ZFR2: variants seen among roughly 807,000 people sequenced by gnomAD.
ZFR2 encodes the protein zinc finger RNA binding protein 2.
ZFR2 carries 104 observed loss-of-function variants against 105.7 expected under a neutral mutation model. The ratio of observed to expected loss-of-function variants is 0.98; its 90% confidence interval spans 0.84 to 1.16. ZFR2 has a LOEUF of 1.16. Among genes scored for constraint, ZFR2 ranks in the 50% most tolerant of loss-of-function variants. ZFR2 has a pLI of 0.00. For missense variants in ZFR2, 1,425 were observed against 1,355.5 expected, an observed-to-expected ratio of 1.05 and a Z score of -0.80; for synonymous variants, 634 against 597.7, an observed-to-expected ratio of 1.06 and a Z score of -0.89.
intron 6 of ZFR2, 60 bp downstream of exon 6, chr19:3,827,411 A>G: frequency 6.9e-7 from 1 of 1,444,652 alleles, no homozygotes; most frequent in Non-Finnish European, 9.1e-7. Flanking sequence ...GTGGGTCCCA[A>G]GTGCTGACCT....
At position 3,862,832 on chromosome 19, in the gene ZFR2, A is replaced by G. The variant is rs193295569; in HGVS notation, c.53+6133T>C. On this transcript the variant is annotated intron_variant, in intron 1 of 18. Transcript: ENST00000262961. ...TCAGCCTTGCTGAGAAGGGCGTGAA[A>G]AAGACCGCAGCAACATGGGAGGGGC... is the stretch of plus-strand genomic sequence containing the variant. Among the ~76,000 whole-genome samples, 413 of 152,302 alleles carry G rather than the reference A, an allele frequency of 2.7e-3. 5 individuals carry two copies. The highest frequency in any genetic ancestry group is 9.5e-3 in the African/African-American group (393 of 41,576).
intron 1 of ZFR2, among the ~76,000 whole-genome samples, chr19:3,849,859 C>G (rs2145180039): frequency 6.6e-6 from 1 of 152,356 alleles, no homozygotes; most frequent in East Asian, 1.9e-4. Flanking sequence ...GTGCGACCAA[C>G]ATGCAGATGG....
intron 1 of ZFR2, among the ~76,000 whole-genome samples, chr19:3,865,277 C>T (rs1282534901): frequency 6.6e-6 from 1 of 152,130 alleles, no homozygotes; most frequent in Admixed American, 6.5e-5. Flanking sequence ...AACAATTAAG[C>T]AGTTCAGATA....
intron 11 of ZFR2, 96 bp downstream of exon 11, chr19:3,820,086 G>A (rs552647898): frequency 2.5e-6 from 3 of 1,209,802 alleles, no homozygotes; most frequent in South Asian, 1.3e-5. Context: ...GTACTATGTG[G>A]GAGTTGGGGG....
In ZFR2 at chr19:3,860,811, G is replaced by A. The variant is rs1599258155; in HGVS notation, c.53+8154C>T. Among the ~76,000 whole-genome samples the A allele has an allele frequency of 3.9e-5, 6 of 152,220 alleles. 1 individual carries two copies. The highest frequency in any genetic ancestry group is 3.9e-4 in the Admixed American group (6 of 15,278). On this transcript the variant is annotated intron_variant, in intron 1 of 18. Coordinates refer to ENST00000262961, the MANE Select transcript of ZFR2 (RefSeq NM_015174.2). ...CAGGAACAAGGAGGGGTCATCTCCT[G>A]TTCCAGCCCTCTCCTGCTGCTTTAA...
chr19:3,818,208 G>A (rs993777666), intron 12 of ZFR2, among the ~76,000 whole-genome samples: 5 of 152,386 alleles, frequency 3.3e-5, no homozygotes, highest in East Asian at 3.9e-4. Context: ...AAGTGAACCC[G>A]TAATCCCGGC....
At position 3,834,095 on chromosome 19, in the gene ZFR2, C is replaced by A. The variant is rs112670588; in HGVS notation, c.265-317G>T. Among the ~76,000 whole-genome samples, 23 of 152,118 alleles carry A rather than the reference C, an allele frequency of 1.5e-4. 2 individuals are homozygous for A. The highest frequency in any genetic ancestry group is 5.5e-4 in the African/African-American group (23 of 41,506). On this transcript the variant is annotated intron_variant, in intron 2 of 18. Coordinates refer to ENST00000262961, the MANE Select transcript of ZFR2 (RefSeq NM_015174.2). The surrounding 1 kb of genome is among the most constrained non-coding windows in gnomAD (Gnocchi z 5.3). ...CAGGGAGAAGCCCCCGAGGCCTTGG[C>A]AAGGAAATGGAGAGGGGAGGAAGAG...
At chr19:3,860,489 C>A (rs2038360718) in intron 1 of ZFR2, among the ~76,000 whole-genome samples, 1 of 152,162 alleles carries the variant, frequency 6.6e-6, no homozygotes, top group South Asian at 2.1e-4. Context: ...GATTCCAGAG[C>A]CTGGGCGTCG....
intron 18 of ZFR2, among the ~76,000 whole-genome samples, chr19:3,806,944 G>A (rs60548344): frequency 0.054 from 8,210 of 152,224 alleles, 741 homozygotes; most frequent in African/African-American, 0.19. Flanking sequence ...AGGTCTGGGC[G>A]TCATTAACGG....
chr19:3,855,255 G>T, intron 1 of ZFR2: 2 of 725,086 alleles, frequency 2.8e-6, no homozygotes, highest in Non-Finnish European at 3.8e-6. Flanking sequence ...ACTTAGCATG[G>T]AAAATCATTT....
rs201709100 is a variant in ZFR2 at position 3,805,971 on chromosome 19, C to T, written c.2798G>A (p.Arg933Gln). ...EGAGEKKRGR[R>Q]GGEGLV ...GGCTCACACGAGCCCCTCTCCGCCC[C>T]GCCGGCCCCGCTTCTTCTCCCCTGC... is the stretch of plus-strand genomic sequence containing the variant. The change falls in exon 19 of 19, where the codon CGG becomes CAG. Residue 933 changes from arginine (R) to glutamine (Q), a missense_variant. Arg to Gln is a conservative substitution (Grantham distance 43). Coordinates refer to ENST00000262961, the MANE Select transcript of ZFR2 (RefSeq NM_015174.2). 1.4e-3 allele frequency: 2,192 copies of T among 1,538,518 alleles called. 21 individuals are homozygous for T. In the African/African-American group the frequency reaches 0.022, roughly 15 times the overall value.
intron 1 of ZFR2, among the ~76,000 whole-genome samples, chr19:3,849,874 A>G (rs1486830009): frequency 1.3e-5 from 2 of 152,200 alleles, no homozygotes; most frequent in Non-Finnish European, 2.9e-5. Flanking sequence ...AGATGGCTGG[A>G]CGTCCGCTGG....
At chr19:3,850,478 GC>G (rs2038226875) in intron 1 of ZFR2, among the ~76,000 whole-genome samples, 1 of 152,058 alleles carries the variant, frequency 6.6e-6, no homozygotes, top group Non-Finnish European at 1.5e-5. Flanking sequence ...TTATGTTGAA[GC>G]CCTAACCCCC....
chr19:3,813,838 C>T lies in ZFR2; in HGVS notation c.2224G>A (p.Asp742Asn), dbSNP rs1476165327. 2 of 1,613,770 alleles carry T rather than the reference C, an allele frequency of 1.2e-6. No individual in the cohort carries two copies. Among genetic ancestry groups the T allele is most frequent in the Admixed American group, 3.3e-5 (2 of 59,996 alleles). ...GCCGCACCTGGGTCTGTGGAGGGGTCCTCCCGCATCAGAGGTGAGGTGACA... is the reference window on the plus strand; with the variant it reads ...GCCGCACCTGGGTCTGTGGAGGGGTTCTCCCGCATCAGAGGTGAGGTGACA... Reference protein sequence around the residue: ...ISVTSPLMREDPSTDPGVEEP... With the variant: ...ISVTSPLMRENPSTDPGVEEP... Residue 742 changes from aspartate (D) to asparagine (N), a missense_variant, in exon 14 of 19, where the codon GAC (aspartate) becomes AAC (asparagine). Physicochemically the swap from Asp to Asn is conservative, Grantham distance 23. Transcript: ENST00000262961. This position sits in a 1 kb window ranked among gnomAD's most constrained non-coding sequence, Gnocchi z 4.4.
chr19:3,826,788 A>G (rs919396962), intron 6 of ZFR2, among the ~76,000 whole-genome samples: 1 of 152,030 alleles, frequency 6.6e-6, no homozygotes, highest in Admixed American at 6.6e-5. Context: ...TACAGCAGGG[A>G]GTGTGAAGAG....
intron 14 of ZFR2, among the ~76,000 whole-genome samples, chr19:3,812,235 C>T (rs12979896): frequency 8.5e-5 from 13 of 152,054 alleles, no homozygotes; most frequent in African/African-American, 9.7e-5. Flanking sequence ...TGAGCCACCG[C>T]GCCTGGCCAA....
intron 1 of ZFR2, among the ~76,000 whole-genome samples, chr19:3,860,495 C>T (rs766327969): frequency 4.6e-5 from 7 of 152,146 alleles, no homozygotes; most frequent in Non-Finnish European, 8.8e-5. Context: ...AGAGCCTGGG[C>T]GTCGAGTTTC....
intron 17 of ZFR2, 73 bp from the exon 18 acceptor site, chr19:3,807,342 TC>T: frequency 8.5e-7 from 1 of 1,177,670 alleles, no homozygotes; most frequent in Non-Finnish European, 1.2e-6. Context: ...GGGCCGTCCC[TC>T]GACACCGTGG....
intron 17 of ZFR2, among the ~76,000 whole-genome samples, chr19:3,808,162 CAT>C (rs140014455): frequency 0.021 from 2,967 of 144,556 alleles, 19 homozygotes; most frequent in Middle Eastern, 0.043. Flanking sequence ...CAAGTATGTC[CAT>C]GTGTGTGCCT....
Sources: allele counts gnomAD v4.1 joint callset (sites outside exome capture counted in the v4.1 genomes callset), GRCh38; gene constraint gnomAD v4.1.1; non-coding constraint Gnocchi (gnomAD v3.1); transcripts MANE v1.5; gene names NCBI Gene and HGNC (gene_info 2026-07-23, HGNC 2026-07-21).